The following SLC44A1 variants were observed in gnomAD, a reference collection of about 807,000 sequenced individuals.
SLC44A1 encodes choline transporter-like protein 1.
Under a neutral mutation model 79.3 loss-of-function variants are expected in SLC44A1, and 26 were observed. The observed-to-expected ratio is 0.33, with a 90% CI of 0.24 to 0.46. SLC44A1 has a LOEUF of 0.46. SLC44A1 is among the 20% of genes least tolerant of loss of function. The pLI is 1.00. For missense variants in SLC44A1, 688 were observed against 798.1 expected (o/e 0.86, Z 1.66); for synonymous variants, 263 against 286.2 (o/e 0.92, Z 0.82).
chr9:105,377,970 G>A (rs903035036), intron 13 of SLC44A1, among the ~76,000 whole-genome samples: 2 of 152,066 alleles, frequency 1.3e-5, no homozygotes, highest in Non-Finnish European at 2.9e-5. Context: ...GTAGAGGGCC[G>A]GGCACGGTGG....
In SLC44A1 at chr9:105,377,619, C is replaced by T. The variant is rs375890811; in HGVS notation, c.1632+2884C>T. On this transcript the variant is annotated intron_variant, in intron 13 of 15. Transcript: ENST00000374720. ...AAAATACAAAAAAAAAAAAATTAGC[C>T]GGGCGTGGTGGCGAGTGGCTGTAGT... Among the ~76,000 whole-genome samples the T allele has an allele frequency of 6.6e-5, 10 of 151,570 alleles. No individual in the cohort carries two copies. In the South Asian group the frequency reaches 1.3e-3, roughly 19 times the overall value.
At chr9:105,357,502 A>T (rs926278924) in intron 6 of SLC44A1, among the ~76,000 whole-genome samples, 3 of 152,190 alleles carry the variant, frequency 2.0e-5, no homozygotes, top group African/African-American at 7.2e-5. Context: ...ATATAATCTT[A>T]AAAAATCTTT....
chr9:105,394,380 A>T lies in SLC44A1; in HGVS notation c.*5324A>T, dbSNP rs1342245835. ...AGATGATCAACACTGAATCTTCATG[A>T]CAGTAAGATTTTCTTTCCTTGGAGG... On this transcript the variant is annotated 3_prime_UTR_variant, in exon 16 of 16. Coordinates refer to ENST00000374720, the MANE Select transcript of SLC44A1 (RefSeq NM_080546.5). The T allele has an allele frequency of 1.0e-6, 1 of 984,824 alleles. No homozygotes were observed. Among genetic ancestry groups the T allele is most frequent in the African/African-American group, 1.8e-5 (1 of 56,996 alleles). 61.0% of individuals were successfully genotyped at this position (984,824 alleles called of 1,614,324 possible).
intron 5 of SLC44A1, among the ~76,000 whole-genome samples, chr9:105,352,847 A>T (rs922362298): frequency 1.3e-5 from 2 of 152,060 alleles, no homozygotes; most frequent in African/African-American, 2.4e-5. Context: ...TTATTACTTA[A>T]TTTTTTTTGA....
At chr9:105,339,511 G>C (rs539019750) in intron 4 of SLC44A1, among the ~76,000 whole-genome samples, 1 of 152,070 alleles carries the variant, frequency 6.6e-6, no homozygotes, top group African/African-American at 2.4e-5. Context: ...ACCTAATGTC[G>C]GTAGACCAAT....
intron 1 of SLC44A1, among the ~76,000 whole-genome samples, chr9:105,249,766 C>T (rs1424375140): frequency 2.6e-5 from 4 of 151,566 alleles, no homozygotes; most frequent in Non-Finnish European, 5.9e-5. Flanking sequence ...AACTCCTGAC[C>T]TCAGATGATC....
chr9:105,405,225 G>T (rs1407098899), intron 15 of SLC44A1, among the ~76,000 whole-genome samples: 1 of 152,018 alleles, frequency 6.6e-6, no homozygotes, highest in Non-Finnish European at 1.5e-5. Context: ...GGAGGCTGAG[G>T]CAGGAGAATC....
At chr9:105,254,043 A>C (rs1400594730) in intron 1 of SLC44A1, among the ~76,000 whole-genome samples, 1 of 152,106 alleles carries the variant, frequency 6.6e-6, no homozygotes, top group Non-Finnish European at 1.5e-5. Flanking sequence ...TAAACAAAGA[A>C]ACAAACAAAT....
intron 1 of SLC44A1, among the ~76,000 whole-genome samples, chr9:105,259,492 G>A (rs1829792726): frequency 6.6e-6 from 1 of 152,138 alleles, no homozygotes; most frequent in African/African-American, 2.4e-5. Context: ...ATCAAATTAC[G>A]AAGGCAGAGA....
Position 105,335,719 on chromosome 9 carries a change from A to G in SLC44A1, c.406+20A>G. On this transcript the variant is annotated intron_variant, in intron 4 of 15. Coordinates refer to ENST00000374720, the MANE Select transcript of SLC44A1 (RefSeq NM_080546.5). ...TAAATGGTGAGACATTAGGCCATCC[A>G]AATCTATGTCCTGTCACCTTGTTCT... 6.2e-7 allele frequency: 1 copy of G among 1,607,544 alleles called. No individual in the cohort carries two copies. The highest frequency in any genetic ancestry group is 1.3e-5 in the African/African-American group (1 of 74,896).
rs1564452806 is a variant in SLC44A1, at chr9:105,351,604, A to AGAAAG, written c.500+3153_500+3154insGAAAG. Among the ~76,000 whole-genome samples the AGAAAG allele has an allele frequency of 1.9e-4, 11 of 56,710 alleles. No homozygotes were observed. In the East Asian group the frequency reaches 2.4e-3, roughly 12 times the overall value. The allele number at this position is 56,710 out of a possible 152,430, so 37.2% of individuals were successfully genotyped here. The stretch of plus-strand genomic sequence containing the variant: ...AGAGAGAAAGAGAGAAAGAGAAAGA[A>AGAAAG]AGAAAGAAAGAAAGAAAGAGAGAGA... On this transcript the variant is annotated intron_variant, in intron 5 of 15. Transcript: ENST00000374720.
chr9:105,247,335 C>G (rs1829480730), intron 1 of SLC44A1, among the ~76,000 whole-genome samples: 1 of 152,082 alleles, frequency 6.6e-6, no homozygotes, highest in Non-Finnish European at 1.5e-5. Context: ...GCTTTTGTTG[C>G]CCAGGCTGCT....
At chr9:105,376,611 T>C (rs1362958941) in intron 13 of SLC44A1, among the ~76,000 whole-genome samples, 2 of 152,088 alleles carry the variant, frequency 1.3e-5, no homozygotes, top group African/African-American at 2.4e-5. Flanking sequence ...CGACCTCAGG[T>C]GATCTGCCCA....
Position 105,393,207 on chromosome 9 carries a change from A to G in SLC44A1, c.*4151A>G. The G allele has an allele frequency of 1.0e-6, 1 of 985,484 alleles. No individual in the cohort carries two copies. Among genetic ancestry groups the G allele is most frequent in the Non-Finnish European group, 1.2e-6 (1 of 829,930 alleles). The allele number at this position is 985,484 out of a possible 1,614,324, so 61.0% of individuals were successfully genotyped here. A position where few individuals can be genotyped will look rare whatever the true frequency, so the allele number is the denominator to read the frequency against. On this transcript the variant is annotated 3_prime_UTR_variant, in exon 16 of 16. Coordinates refer to ENST00000374720, the MANE Select transcript of SLC44A1 (RefSeq NM_080546.5). ...CAGCGTAGGCTGCCTTTTGCTTTAAATGCATATTCATGTATCTTTGTGTGC... is the reference window on the plus strand; with the variant it reads ...CAGCGTAGGCTGCCTTTTGCTTTAAGTGCATATTCATGTATCTTTGTGTGC...
At chr9:105,340,477 TTGAA>T (rs1200285517) in intron 4 of SLC44A1, among the ~76,000 whole-genome samples, 2 of 152,188 alleles carry the variant, frequency 1.3e-5, no homozygotes, top group Non-Finnish European at 2.9e-5. Context: ...GCACAACAGT[TTGAA>T]TGAACTTAAT....
At position 105,309,760 on chromosome 9, in the gene SLC44A1, G is replaced by A. The variant is rs552294344; in HGVS notation, c.163G>A (p.Ala55Thr). 6.8e-6 allele frequency: 11 copies of A among 1,613,884 alleles called. No individual in the cohort carries two copies. In the South Asian group the frequency reaches 1.2e-4, roughly 18 times the overall value. The change falls in exon 3 of 16, where the codon GCA (alanine) becomes ACA (threonine). Residue 55 changes from alanine to threonine, a missense_variant. Ala to Thr is a moderately conservative substitution (Grantham distance 58). Coordinates refer to ENST00000374720, the MANE Select transcript of SLC44A1 (RefSeq NM_080546.5). The stretch of plus-strand genomic sequence containing the variant: ...TGGCTTTTCAATAGCAACAGGTGCA[G>A]CAGCAAGACTAGTGTCAGGATACGA... ...ICGFSIATGA[A>T]ARLVSGYDSY...
In SLC44A1 at chr9:105,391,027, C is replaced by T. The variant is rs947574565; in HGVS notation, c.*1971C>T. ...TTCAGAATACCATCTGTTTCATAGC[C>T]GCACAGATTTTGGACTTTCACAAAC... On this transcript the variant is annotated 3_prime_UTR_variant, in exon 16 of 16. Transcript: ENST00000374720. The T allele has an allele frequency of 1.8e-5, 18 of 985,522 alleles. No individual in the cohort carries two copies. The Middle Eastern group carries it at 1.6e-3, about 86-fold the overall frequency. 61.0% of individuals were successfully genotyped at this position (985,522 alleles called of 1,614,324 possible). A position where few individuals can be genotyped will look rare whatever the true frequency, so the allele number is the denominator to read the frequency against.
chr9:105,316,670 T>G (rs1831335794), intron 3 of SLC44A1, among the ~76,000 whole-genome samples: 1 of 152,236 alleles, frequency 6.6e-6, no homozygotes, highest in Non-Finnish European at 1.5e-5. Context: ...AGAGAAATTA[T>G]GACAGTTCAG....
chr9:105,302,476 C>A (rs1257992140), intron 2 of SLC44A1, among the ~76,000 whole-genome samples: 1 of 151,924 alleles, frequency 6.6e-6, no homozygotes, highest in Non-Finnish European at 1.5e-5. Flanking sequence ...CCTCGGCCTC[C>A]TGAGTAGCTG....
Sources: gnomAD v4.1 joint callset for allele counts (sites outside exome capture counted in the v4.1 genomes callset) on GRCh38, gnomAD v4.1.1 for gene constraint, MANE v1.5 for transcripts, NCBI Gene and HGNC (gene_info 2026-07-23, HGNC 2026-07-21) for gene names.